The following DPP6 variants were observed in gnomAD, a reference collection of about 807,000 sequenced individuals.
The protein encoded by DPP6 is A-type potassium channel modulatory protein DPP6.
DPP6 carries 69 observed loss-of-function variants against 122.6 expected under a neutral mutation model. That is an observed-to-expected ratio of 0.56 (90% CI 0.46 to 0.69). DPP6 has a LOEUF of 0.69. Ranked by LOEUF, DPP6 falls within the 30% of genes least tolerant of loss-of-function variation. The pLI, the probability that DPP6 is intolerant of heterozygous loss-of-function variation, is 0.00. For synonymous variants in DPP6, 418 were observed against 433.1 expected (o/e 0.97, Z 0.43); for missense variants, 928 against 1,116.9 (o/e 0.83, Z 2.41).
chr7:154,020,778 G>A (rs540057135), intron 1 of DPP6, among the ~76,000 whole-genome samples: 1 of 152,156 alleles, frequency 6.6e-6, no homozygotes, highest in Admixed American at 6.5e-5. Flanking sequence ...AAAGGAGGAG[G>A]ATTTGGGGAT....
chr7:154,870,284 G>C (rs1392275523), intron 18 of DPP6, among the ~76,000 whole-genome samples: 1 of 151,626 alleles, frequency 6.6e-6, no homozygotes, highest in Non-Finnish European at 1.5e-5. Flanking sequence ...GCCCAGCCTA[G>C]AGGAGGAAGA....
intron 3 of DPP6, among the ~76,000 whole-genome samples, chr7:154,499,557 AT>A (rs1215618223): frequency 3.9e-5 from 6 of 152,250 alleles, no homozygotes; most frequent in African/African-American, 1.4e-4. Flanking sequence ...GGTTTTAAAT[AT>A]TTTTTAATGT....
chr7:154,588,440 C>T (rs1307886719), intron 5 of DPP6: 4 of 210,224 alleles, frequency 1.9e-5, no homozygotes, highest in Non-Finnish European at 3.8e-5. Flanking sequence ...CATTATTTTC[C>T]TGGCTCATAC....
At chr7:154,060,357 A>T (rs1801584670) in intron 1 of DPP6, among the ~76,000 whole-genome samples, 1 of 110,062 alleles carries the variant, frequency 9.1e-6, no homozygotes, top group African/African-American at 3.8e-5. Flanking sequence ...CGAGGCAGGG[A>T]CTGAGAGCCA....
chr7:154,827,579 G>C (rs549752482), intron 16 of DPP6, among the ~76,000 whole-genome samples: 1 of 151,914 alleles, frequency 6.6e-6, no homozygotes, highest in African/African-American at 2.4e-5. Flanking sequence ...TAAGGGATGC[G>C]TCTCTTGGAA....
intron 21 of DPP6, among the ~76,000 whole-genome samples, chr7:154,883,085 CTGCTCACCCATACACA>C (rs1461352436): frequency 1.1e-4 from 15 of 140,032 alleles, no homozygotes; most frequent in South Asian, 2.4e-4. Flanking sequence ...ACCCATACAC[CTGCTCACCCATACACA>C]TGCTCTCACA....
intron 1 of DPP6, among the ~76,000 whole-genome samples, chr7:153,926,418 T>C (rs564557211): frequency 1.3e-5 from 2 of 152,324 alleles, no homozygotes; most frequent in South Asian, 4.1e-4. Flanking sequence ...TGTGAATTCG[T>C]TACAGGAAAG....
chr7:154,515,554 C>A (rs1179602613), intron 3 of DPP6, among the ~76,000 whole-genome samples: 1 of 152,072 alleles, frequency 6.6e-6, no homozygotes, highest in East Asian at 1.9e-4. Context: ...CGGCTCACTG[C>A]AACCTCTGTC....
intron 1 of DPP6, among the ~76,000 whole-genome samples, chr7:154,060,717 G>GCT (rs1554447630): frequency 2.3e-5 from 2 of 87,352 alleles, no homozygotes; most frequent in African/African-American, 9.7e-5. Flanking sequence ...CCCATCGCAG[G>GCT]GGGGGAGGCA....
chr7:154,762,752 A>G (rs1285360946), intron 8 of DPP6, among the ~76,000 whole-genome samples: 24 of 152,262 alleles, frequency 1.6e-4, no homozygotes, highest in Admixed American at 1.4e-3. Context: ...AAACTCAGGA[A>G]CATTTTATGT....
rs1823819536 is a variant in DPP6, at chr7:154,486,612, A to C, written c.457+11575A>C. ...CTCTCTGATTTTCCAAATTAGAATTAGTTGTGTACTCCACGATACCGCAGT... is the reference window on the plus strand; with the variant it reads ...CTCTCTGATTTTCCAAATTAGAATTCGTTGTGTACTCCACGATACCGCAGT... On this transcript the variant is annotated intron_variant, in intron 3 of 25. Transcript: ENST00000377770. The surrounding 1 kb of genome is among the most constrained non-coding windows in gnomAD (Gnocchi z 4.5). Among the ~76,000 whole-genome samples the C allele has an allele frequency of 6.6e-6, 1 of 152,220 alleles. No homozygotes were observed. The highest frequency in any genetic ancestry group is 6.5e-5 in the Admixed American group (1 of 15,284).
At chr7:153,931,615 C>T (rs1277665353) in intron 1 of DPP6, among the ~76,000 whole-genome samples, 1 of 152,204 alleles carries the variant, frequency 6.6e-6, no homozygotes, top group Non-Finnish European at 1.5e-5. Flanking sequence ...CCGTGGAGGG[C>T]CTCCGAGGCT....
At chr7:153,814,470 C>T in the DPP6 span, among the ~76,000 whole-genome samples, 1 of 152,072 alleles carries the variant, frequency 6.6e-6, no homozygotes, top group African/African-American at 2.4e-5. Context: ...TAATCAATAG[C>T]TTACCAACCA....
intron 1 of DPP6, among the ~76,000 whole-genome samples, chr7:154,331,523 A>G (rs1042352427): frequency 6.6e-6 from 1 of 152,128 alleles, no homozygotes; most frequent in Non-Finnish European, 1.5e-5. Flanking sequence ...TGATGGTCAC[A>G]CTCATCTGTG....
At chr7:154,425,624 GT>G (rs56132456) in intron 1 of DPP6, among the ~76,000 whole-genome samples, 18,955 of 97,600 alleles carry the variant, frequency 0.19, 2,628 homozygotes, top group African/African-American at 0.41. Flanking sequence ...GTGTGTGGGT[GT>G]GTGTGTGTGT....
At chr7:154,246,781 T>G (rs1386628393) in intron 1 of DPP6, among the ~76,000 whole-genome samples, 1 of 152,104 alleles carries the variant, frequency 6.6e-6, no homozygotes, top group Non-Finnish European at 1.5e-5. Context: ...TAGATGAAAT[T>G]ATGGGGAAAA....
intron 10 of DPP6, among the ~76,000 whole-genome samples, chr7:154,778,619 T>C (rs1354284009): frequency 2.1e-5 from 3 of 144,530 alleles, no homozygotes; most frequent in African/African-American, 7.7e-5. Context: ...TCACCACCTA[T>C]ACAACCTCCA....
chr7:154,534,966 A>T (rs1828116186), intron 3 of DPP6, among the ~76,000 whole-genome samples: 1 of 151,354 alleles, frequency 6.6e-6, no homozygotes, highest in African/African-American at 2.5e-5. Flanking sequence ...TTCAAGACTT[A>T]CTCTAAAGTT....
intron 1 of DPP6, among the ~76,000 whole-genome samples, chr7:154,130,008 G>A (rs1808244341): frequency 6.6e-6 from 1 of 150,468 alleles, no homozygotes; most frequent in South Asian, 2.1e-4. Context: ...CCTGGGAGGC[G>A]GAGGTTGCAG....
Sources: gnomAD v4.1 joint callset for allele counts (sites outside exome capture counted in the v4.1 genomes callset) on GRCh38, gnomAD v4.1.1 for gene constraint, Gnocchi (gnomAD v3.1) non-coding constraint, MANE v1.5 for transcripts, NCBI Gene and HGNC (gene_info 2026-07-23, HGNC 2026-07-21) for gene names.